CRYGN: variants seen among roughly 807,000 people sequenced by gnomAD.
The protein encoded by CRYGN is gamma-crystallin N.
Under a neutral mutation model 19.2 loss-of-function variants are expected in CRYGN, and 17 were observed. The ratio of observed to expected loss-of-function variants is 0.89; its 90% confidence interval spans 0.61 to 1.33. The LOEUF is 1.33. Among genes scored for constraint, CRYGN ranks in the 40% most tolerant of loss-of-function variants. The probability of loss-of-function intolerance (pLI) is 0.00; values close to 1 mark genes in which losing one functional copy is unlikely to be tolerated. For synonymous variants in CRYGN, 84 were observed against 85.8 expected, an observed-to-expected ratio of 0.98 and a Z score of 0.12; for missense variants, 239 against 239.6, an observed-to-expected ratio of 1.00 and a Z score of 0.02.
rs1801529426 is a variant in CRYGN at position 151,433,743 on chromosome 7, AC to A, written c.416+2436del. The stretch of plus-strand genomic sequence containing the variant: ...AATGCCCCAAGCCATGTCCTGGGCC[AC>A]ATGAGGGTTCTCACATGGACACCCC... On this transcript the variant is annotated intron_variant, in intron 3 of 3. Transcript: ENST00000337323. The surrounding 1 kb of genome is among the most constrained non-coding windows in gnomAD (Gnocchi z 5.1). 6.5e-6 allele frequency: 1 copy of A among 154,820 alleles called. No homozygotes were observed. The highest frequency in any genetic ancestry group is 1.5e-5 in the Non-Finnish European group (1 of 68,338). 9.6% of individuals were successfully genotyped at this position (154,820 alleles called of 1,614,324 possible). A position where few individuals can be genotyped will look rare whatever the true frequency, so the allele number is the denominator to read the frequency against.
In CRYGN at chr7:151,433,025, G is replaced by A. The variant is rs1168260028; in HGVS notation, c.417-2845C>T. On this transcript the variant is annotated intron_variant, in intron 3 of 3. Coordinates refer to ENST00000337323, the MANE Select transcript of CRYGN (RefSeq NM_144727.3). The surrounding 1 kb of genome is among the most constrained non-coding windows in gnomAD (Gnocchi z 5.1). ...CTGCCCTCACGGGGCCTCCCCTGCAGAGGAAATGGGCTGTGGGGGTGCAGT... is the reference window on the plus strand; with the variant it reads ...CTGCCCTCACGGGGCCTCCCCTGCAAAGGAAATGGGCTGTGGGGGTGCAGT... Among the ~76,000 whole-genome samples, 1 of 152,244 alleles carries A rather than the reference G, an allele frequency of 6.6e-6. No homozygotes were observed. Among genetic ancestry groups the A allele is most frequent in the African/African-American group, 2.4e-5 (1 of 41,468 alleles).
rs112989365 is a variant in CRYGN, at chr7:151,432,620, G to A, written c.417-2440C>T. Reference sequence around the variant, plus strand: ...GGAGTTTGAGAGCAGCCCGGCCAACGTGGTGAAACCCCGTCTCTACTAAAA... The same window carrying A: ...GGAGTTTGAGAGCAGCCCGGCCAACATGGTGAAACCCCGTCTCTACTAAAA... On this transcript the variant is annotated intron_variant, in intron 3 of 3. Coordinates refer to ENST00000337323, the MANE Select transcript of CRYGN (RefSeq NM_144727.3). Among the ~76,000 whole-genome samples the A allele has an allele frequency of 7.0e-3, 1,067 of 152,296 alleles. 16 individuals are homozygous for A. Among genetic ancestry groups the A allele is most frequent in the African/African-American group, 0.025 (1,032 of 41,560 alleles).
Position 151,438,100 on chromosome 7 carries a change from C to A in CRYGN, c.166G>T (p.Asp56Tyr). The stretch of plus-strand genomic sequence containing the variant: ...AAGATGAACTGCTGGCCCCGGAAGT[C>A]GGGGTGATTGAAGCAGACCCAGGCT... ...SGAWVCFNHP[D>Y]FRGQQFILEH... The change falls in exon 2 of 4, where the codon GAC becomes TAC. Residue 56 changes from aspartate to tyrosine, a missense_variant. By Grantham distance (160) the Asp-to-Tyr change is radical. Coordinates refer to ENST00000337323, the MANE Select transcript of CRYGN (RefSeq NM_144727.3). 6.2e-7 allele frequency: 1 copy of A among 1,614,108 alleles called. No homozygotes were observed. Among genetic ancestry groups the A allele is most frequent in the Non-Finnish European group, 8.5e-7 (1 of 1,179,996 alleles).
At chr7:151,432,414 C>G (rs546357989) in intron 3 of CRYGN, 4 of 449,224 alleles carry the variant, frequency 8.9e-6, no homozygotes, top group Admixed American at 4.4e-5. Context: ...CTGGGCTACA[C>G]GAAGGCACCC....
Position 151,436,672 on chromosome 7 carries a change from G to C in CRYGN, c.271-347C>G, listed in dbSNP as rs1801616689. On this transcript the variant is annotated intron_variant, in intron 2 of 3. Coordinates refer to ENST00000337323, the MANE Select transcript of CRYGN (RefSeq NM_144727.3). The surrounding 1 kb of genome is among the most constrained non-coding windows in gnomAD (Gnocchi z 5.1). ...GCTCCCTCTGGGTGCTCAGCGTGGG[G>C]GACTCCGGCCCTGATCACAGCCACA... Among the ~76,000 whole-genome samples, 2 of 152,142 alleles carry C rather than the reference G, an allele frequency of 1.3e-5. No homozygotes were observed. The highest frequency in any genetic ancestry group is 4.1e-4 in the South Asian group (2 of 4,828).
Position 151,439,998 on chromosome 7 carries a change from T to A in CRYGN, c.-81A>T. ...CTCAGCGCCGCCCCGGACAAAAGAT[T>A]TGCTGGGCCGGCCCCGGAGCGTTAG... On this transcript the variant is annotated 5_prime_UTR_variant, in exon 1 of 4. Transcript: ENST00000337323. 1 of 1,430,764 alleles carries A rather than the reference T, an allele frequency of 7.0e-7. No individual in the cohort carries two copies. The highest frequency in any genetic ancestry group is 9.2e-7 in the Non-Finnish European group (1 of 1,088,558). The allele number at this position is 1,430,764 out of a possible 1,614,324, so 88.6% of individuals were successfully genotyped here.
intron 3 of CRYGN, among the ~76,000 whole-genome samples, chr7:151,434,487 C>G (rs976820340): frequency 6.6e-6 from 1 of 152,186 alleles, no homozygotes; most frequent in Non-Finnish European, 1.5e-5. Flanking sequence ...TTTCGTAAAA[C>G]GGAATCCTGG....
At chr7:151,439,435 C>A (rs978653970) in intron 1 of CRYGN, among the ~76,000 whole-genome samples, 2 of 152,166 alleles carry the variant, frequency 1.3e-5, no homozygotes, top group African/African-American at 4.8e-5. Flanking sequence ...GCCCCTGAAA[C>A]CTTCAGGGAG....
rs1206593786 is a variant in CRYGN, at chr7:151,433,507, AAG to A, written c.416+2671_416+2672del. ...GCCTCAAGGGTTGGGGCCAGGAAGGAAGAGAGAGAGGCAGAGGGTGTGAGCCA... is the reference window on the plus strand; with the variant it reads ...GCCTCAAGGGTTGGGGCCAGGAAGGAAGAGAGAGGCAGAGGGTGTGAGCCA... On this transcript the variant is annotated intron_variant, in intron 3 of 3. Transcript: ENST00000337323. This position sits in a 1 kb window ranked among gnomAD's most constrained non-coding sequence, Gnocchi z 5.1. 2 of 155,192 alleles carry A rather than the reference AAG, an allele frequency of 1.3e-5. No homozygotes were observed. The highest frequency in any genetic ancestry group is 1.5e-5 in the Non-Finnish European group (1 of 68,602). 9.6% of individuals were successfully genotyped at this position (155,192 alleles called of 1,614,324 possible). A position where few individuals can be genotyped will look rare whatever the true frequency, so the allele number is the denominator to read the frequency against.
rs1194385446 is a variant in CRYGN, at chr7:151,436,920, G to A, written c.271-595C>T. On this transcript the variant is annotated intron_variant, in intron 2 of 3. Transcript: ENST00000337323. This position sits in a 1 kb window ranked among gnomAD's most constrained non-coding sequence, Gnocchi z 5.1. ...GATTCCCGCATTTCCAAAAGACAGA[G>A]GAGGGCCAGCCCCTGCCTGGCTCAG... 1 of 152,090 alleles carries A rather than the reference G, an allele frequency of 6.6e-6. No individual in the cohort carries two copies. The highest frequency in any genetic ancestry group is 1.5e-5 in the Non-Finnish European group (1 of 68,020). 9.4% of individuals were successfully genotyped at this position (152,090 alleles called of 1,614,324 possible). A position where few individuals can be genotyped will look rare whatever the true frequency, so the allele number is the denominator to read the frequency against.
rs926715973 is a variant in CRYGN, at chr7:151,433,605, A to C, written c.416+2575T>G. The C allele has an allele frequency of 2.6e-5, 4 of 154,916 alleles. No homozygotes were observed. Among genetic ancestry groups the C allele is most frequent in the Non-Finnish European group, 5.9e-5 (4 of 68,328 alleles). 9.6% of individuals were successfully genotyped at this position (154,916 alleles called of 1,614,324 possible). On this transcript the variant is annotated intron_variant, in intron 3 of 3. Coordinates refer to ENST00000337323, the MANE Select transcript of CRYGN (RefSeq NM_144727.3). The surrounding 1 kb of genome is among the most constrained non-coding windows in gnomAD (Gnocchi z 5.1). ...TGGACCCCACCCTCATGGCCCCCGT[A>C]TCCATGCCCCTCCACACCTACAGCT...
rs975972610 is a variant in CRYGN at position 151,430,610 on chromosome 7, G to T, written c.417-430C>A. 6.6e-6 allele frequency among the ~76,000 whole-genome samples: 1 copy of T among 152,112 alleles called. No homozygotes were observed. The highest frequency in any genetic ancestry group is 2.4e-5 in the African/African-American group (1 of 41,396). On this transcript the variant is annotated intron_variant, in intron 3 of 3. Coordinates refer to ENST00000337323, the MANE Select transcript of CRYGN (RefSeq NM_144727.3). The surrounding 1 kb of genome is among the most constrained non-coding windows in gnomAD (Gnocchi z 5.2). The stretch of plus-strand genomic sequence containing the variant: ...TCTCTCGGGAACCCTGTGTTCCCTC[G>T]CTGAGCTCCCTGCCGTACTCCATCA...
At chr7:151,438,612 C>T (rs757463370) in intron 1 of CRYGN, among the ~76,000 whole-genome samples, 5 of 152,096 alleles carry the variant, frequency 3.3e-5, no homozygotes, top group Non-Finnish European at 5.9e-5. Context: ...AACATAAAGC[C>T]GATAATAACA....
chr7:151,434,086 C>T (rs1801540057), intron 3 of CRYGN, among the ~76,000 whole-genome samples: 1 of 152,144 alleles, frequency 6.6e-6, no homozygotes, highest in African/African-American at 2.4e-5. Flanking sequence ...CTAGCAGTGT[C>T]CCCTCCGGAT....
At position 151,430,207 on chromosome 7, in the gene CRYGN, G is replaced by A. The variant is rs751365370; in HGVS notation, c.417-27C>T. On this transcript the variant is annotated intron_variant, in intron 3 of 3. Transcript: ENST00000337323. This position sits in a 1 kb window ranked among gnomAD's most constrained non-coding sequence, Gnocchi z 5.2. Reference sequence around the variant, plus strand: ...TGTGGTTTGCAGGTGAAAGGAGGTGGGGCCAGGGCATTAGGGGTACAGAGC... The same window carrying A: ...TGTGGTTTGCAGGTGAAAGGAGGTGAGGCCAGGGCATTAGGGGTACAGAGC... 20 of 1,612,798 alleles carry A rather than the reference G, an allele frequency of 1.2e-5. 1 individual carries two copies. In the South Asian group the frequency reaches 2.2e-4, roughly 18 times the overall value.
Position 151,430,345 on chromosome 7 carries a change from T to A in CRYGN, c.417-165A>T, listed in dbSNP as rs1358148994. Among the ~76,000 whole-genome samples the A allele has an allele frequency of 6.6e-6, 1 of 152,100 alleles. No homozygotes were observed. Among genetic ancestry groups the A allele is most frequent in the Non-Finnish European group, 1.5e-5 (1 of 68,018 alleles). ...TGTCTTCATTTGGCCTCGGCTGTCA[T>A]GGGACAGCCTACGGGGGTCCCACAG... On this transcript the variant is annotated intron_variant, in intron 3 of 3. Transcript: ENST00000337323. This position sits in a 1 kb window ranked among gnomAD's most constrained non-coding sequence, Gnocchi z 5.2.
chr7:151,436,356 A>ACCAC lies in CRYGN; in HGVS notation c.271-32_271-31insGTGG. 5 of 1,486,922 alleles carry ACCAC rather than the reference A, an allele frequency of 3.4e-6. No individual in the cohort carries two copies. Among genetic ancestry groups the ACCAC allele is most frequent in the South Asian group, 1.4e-5 (1 of 72,490 alleles). The allele number at this position is 1,486,922 out of a possible 1,614,324, so 92.1% of individuals were successfully genotyped here. A position where few individuals can be genotyped will look rare whatever the true frequency, so the allele number is the denominator to read the frequency against. ...AGACCAAGCAAAAAAGAAGGAAAGA[A>ACCAC]GGAGGTTGCTGTGAATTCCCCTCTC... On this transcript the variant is annotated intron_variant, in intron 2 of 3. Coordinates refer to ENST00000337323, the MANE Select transcript of CRYGN (RefSeq NM_144727.3). The surrounding 1 kb of genome is among the most constrained non-coding windows in gnomAD (Gnocchi z 5.1).
rs1308524881 is a variant in CRYGN, at chr7:151,430,132, G to C, written c.465C>G (p.Ser155Arg). 1 of 1,612,456 alleles carries C rather than the reference G, an allele frequency of 6.2e-7. No individual in the cohort carries two copies. The highest frequency in any genetic ancestry group is 2.2e-5 in the East Asian group (1 of 44,876). ...SFGAEDFQLSSSLQSDQGPEE... is the reference protein window; with the variant it reads ...SFGAEDFQLSRSLQSDQGPEE... ...CCGGTCCTTGATCTGATTGAAGAGAGCTGCTCAGCTGGAAGTCCTCAGCTC... is the reference window on the plus strand; with the variant it reads ...CCGGTCCTTGATCTGATTGAAGAGACCTGCTCAGCTGGAAGTCCTCAGCTC... Residue 155 changes from serine to arginine, a missense_variant, in exon 4 of 4, where the codon AGC becomes AGG. Coordinates refer to ENST00000337323, the MANE Select transcript of CRYGN (RefSeq NM_144727.3). This position sits in a 1 kb window ranked among gnomAD's most constrained non-coding sequence, Gnocchi z 5.2.
In CRYGN at chr7:151,429,644, A is replaced by G; in HGVS notation, c.*404T>C. 2 of 276,276 alleles carry G rather than the reference A, an allele frequency of 7.2e-6. No individual in the cohort carries two copies. The highest frequency in any genetic ancestry group is 8.1e-5 in the South Asian group (2 of 24,750). 17.1% of individuals were successfully genotyped at this position (276,276 alleles called of 1,614,324 possible). On this transcript the variant is annotated 3_prime_UTR_variant, in exon 4 of 4. Transcript: ENST00000337323. Reference sequence around the variant, plus strand: ...TGTGGCTGGCTCTCCTCAACTGTACAGTGGTGATAAGCATATCATCTTGGC... The same window carrying G: ...TGTGGCTGGCTCTCCTCAACTGTACGGTGGTGATAAGCATATCATCTTGGC...
Sources: gnomAD v4.1 joint callset for allele counts (sites outside exome capture counted in the v4.1 genomes callset) on GRCh38, gnomAD v4.1.1 for gene constraint, Gnocchi (gnomAD v3.1) non-coding constraint, MANE v1.5 for transcripts, NCBI Gene and HGNC (gene_info 2026-07-23, HGNC 2026-07-21) for gene names.